WHRN: variants seen among roughly 807,000 people sequenced by gnomAD.
WHRN encodes whirlin.
Under a neutral mutation model 68.3 loss-of-function variants are expected in WHRN, and 41 were observed. The ratio of observed to expected loss-of-function variants is 0.60; its 90% confidence interval spans 0.47 to 0.78. The LOEUF is 0.78. Ranked by LOEUF, WHRN falls within the 30% of genes least tolerant of loss-of-function variation. The pLI is 0.00. For missense variants in WHRN, 1,243 were observed against 1,244.7 expected, an observed-to-expected ratio of 1.00 and a Z score of 0.02; for synonymous variants, 560 against 561.3, an observed-to-expected ratio of 1.00 and a Z score of 0.03.
At chr9:114,468,837 C>T (rs1187715989) in intron 2 of WHRN, among the ~76,000 whole-genome samples, 1 of 152,192 alleles carries the variant, frequency 6.6e-6, no homozygotes, top group African/African-American at 2.4e-5. Flanking sequence ...CAGTGCTGTG[C>T]CAGCTCCAAG....
chr9:114,447,524 T>C (rs1356613177), intron 3 of WHRN, among the ~76,000 whole-genome samples: 1 of 152,230 alleles, frequency 6.6e-6, no homozygotes, highest in East Asian at 1.9e-4. Context: ...TTAACAGGTC[T>C]GACTTTATTA....
In WHRN at chr9:114,406,803, T is replaced by C. The variant is rs1213891056; in HGVS notation, c.1788A>G (p.Leu596=). ...CTCTCCCCAGCTTCCTTGGCTGGCC[T>C]AGTGGGAGGTCGTTGCCTTGGGCCA... ...PPLAQGNDLP[L]GQPRKLGRED... The change falls in exon 9 of 12, where the codon CTA becomes CTG. Residue 596 remains leucine, a synonymous_variant. Transcript: ENST00000362057. The C allele has an allele frequency of 5.6e-6, 9 of 1,612,974 alleles. No individual in the cohort carries two copies. The highest frequency in any genetic ancestry group is 7.6e-6 in the Non-Finnish European group (9 of 1,179,498).
chr9:114,470,140 G>A (rs1467817172), intron 2 of WHRN, among the ~76,000 whole-genome samples: 2 of 152,146 alleles, frequency 1.3e-5, no homozygotes, highest in Non-Finnish European at 2.9e-5. Flanking sequence ...AGGAGGAGGT[G>A]GATACCTTCA....
chr9:114,427,944 G>A (rs1837030670), intron 3 of WHRN, among the ~76,000 whole-genome samples: 1 of 152,188 alleles, frequency 6.6e-6, no homozygotes, highest in Non-Finnish European at 1.5e-5. Context: ...ACGATCAAGG[G>A]TGAGCTCAGC....
intron 3 of WHRN, among the ~76,000 whole-genome samples, chr9:114,433,369 G>A (rs1471393999): frequency 7.2e-5 from 11 of 152,156 alleles, no homozygotes; most frequent in Non-Finnish European, 1.0e-4. Context: ...CAGGCCGCGC[G>A]TGCACCTGTA....
Position 114,403,931 on chromosome 9 carries a change from G to A in WHRN, c.2383C>T (p.Arg795Trp), listed in dbSNP as rs545286422. 1.4e-5 allele frequency: 22 copies of A among 1,611,062 alleles called. No individual in the cohort carries two copies. Among genetic ancestry groups the A allele is most frequent in the East Asian group, 6.7e-5 (3 of 44,858 alleles). ...TKSRSSKELP[R>W]NERPTDGANK... ...GCCCCATCTGTGGGCCTCTCGTTCC[G>A]AGGCAGCTCCTTGCTACTCCTGCTC... The change falls in exon 10 of 12, where the codon CGG (arginine) becomes TGG (tryptophan). Residue 795 changes from arginine (R) to tryptophan (W), a missense_variant. Physicochemically the swap from Arg to Trp is moderately radical, Grantham distance 101. Transcript: ENST00000362057.
chr9:114,417,132 C>T (rs575986479), intron 7 of WHRN, among the ~76,000 whole-genome samples: 1 of 152,314 alleles, frequency 6.6e-6, no homozygotes, highest in Admixed American at 6.5e-5. Context: ...CTCTGTTAGA[C>T]AAATGGAAAA....
intron 6 of WHRN, among the ~76,000 whole-genome samples, chr9:114,423,826 C>A (rs1253750745): frequency 6.6e-6 from 1 of 152,218 alleles, no homozygotes; most frequent in Non-Finnish European, 1.5e-5. Context: ...ACCCAGAATA[C>A]CCTTTCCAAT....
At position 114,504,568 on chromosome 9, in the gene WHRN, C is replaced by T. The variant is rs148785227; in HGVS notation, c.234G>A (p.Leu78=). 254 of 1,611,536 alleles carry T rather than the reference C, an allele frequency of 1.6e-4. 2 individuals are homozygous for T. In the African/African-American group the frequency reaches 3.2e-3, roughly 20 times the overall value. The change falls in exon 1 of 12, where the codon CTG becomes CTA. Residue 78 remains leucine, a synonymous_variant. Transcript: ENST00000362057. ...TGACCGGACTGTCCAGCAGCACGCG[C>T]AGGGTGCGCACCAGGTCGAAGACGT... ...RRNVFDLVRT[L]RVLLDSPVKR...
rs1164575803 is a variant in WHRN at position 114,405,056 on chromosome 9, TTCTC to T, written c.2237-983_2237-980del. Among the ~76,000 whole-genome samples, 382 of 126,918 alleles carry T rather than the reference TTCTC, an allele frequency of 3.0e-3. 7 individuals carry two copies. The highest frequency in any genetic ancestry group is 0.01 in the African/African-American group (348 of 33,572). The allele number at this position is 126,918 out of a possible 152,430, so 83.3% of individuals were successfully genotyped here. ...TCTTGGTAAGCTAGAAATTACTACT[TTCTC>T]TCTCTCTCTCTTTTTTTTTTTTTTT... On this transcript the variant is annotated intron_variant, in intron 9 of 11. Coordinates refer to ENST00000362057, the MANE Select transcript of WHRN (RefSeq NM_015404.4).
intron 8 of WHRN, among the ~76,000 whole-genome samples, chr9:114,407,540 A>G (rs1338770838): frequency 6.6e-6 from 1 of 152,196 alleles, no homozygotes; most frequent in African/African-American, 2.4e-5. Flanking sequence ...AACACCGGAC[A>G]CCTGCACAGC....
intron 3 of WHRN, among the ~76,000 whole-genome samples, chr9:114,458,448 T>A (rs753786134): frequency 1.3e-5 from 2 of 152,250 alleles, no homozygotes; most frequent in African/African-American, 2.4e-5. Flanking sequence ...CTATTGTGAT[T>A]CAAAATCTAT....
intron 11 of WHRN, 27 bp downstream of exon 11, chr9:114,403,190 T>G (rs769814876): frequency 6.2e-7 from 1 of 1,613,526 alleles, no homozygotes; most frequent in African/African-American, 1.3e-5. Context: ...TAGGGAGAGA[T>G]GGCAAGTGGG....
intron 1 of WHRN, among the ~76,000 whole-genome samples, chr9:114,492,372 T>G (rs1188179468): frequency 6.6e-6 from 1 of 152,190 alleles, no homozygotes; most frequent in African/African-American, 2.4e-5. Context: ...AAAAACAAAC[T>G]GTCTAACAAG....
At chr9:114,415,181 G>A (rs1835724349) in intron 7 of WHRN, among the ~76,000 whole-genome samples, 1 of 151,880 alleles carries the variant, frequency 6.6e-6, no homozygotes, top group Admixed American at 6.6e-5. Context: ...TGCGCCTGTG[G>A]CCCCAGTTAC....
intron 3 of WHRN, among the ~76,000 whole-genome samples, chr9:114,438,546 G>A (rs868432541): frequency 7.4e-5 from 11 of 148,572 alleles, no homozygotes; most frequent in African/African-American, 2.2e-4. Flanking sequence ...TCTGCCTCCC[G>A]TGTTCACACC....
intron 3 of WHRN, among the ~76,000 whole-genome samples, chr9:114,458,042 T>G (rs1401892143): frequency 6.6e-6 from 1 of 152,208 alleles, no homozygotes; most frequent in Non-Finnish European, 1.5e-5. Flanking sequence ...AGTGGCGGAT[T>G]CTGGCTGTCA....
intron 3 of WHRN, among the ~76,000 whole-genome samples, chr9:114,456,961 T>A (rs578205044): frequency 6.6e-6 from 1 of 152,128 alleles, no homozygotes; most frequent in Non-Finnish European, 1.5e-5. Flanking sequence ...AGGGGAAAGA[T>A]AGAATAAACC....
At chr9:114,422,164 ACCGTATCTACCTC>A (rs1836348419) in intron 7 of WHRN, among the ~76,000 whole-genome samples, 1 of 152,042 alleles carries the variant, frequency 6.6e-6, no homozygotes, top group Admixed American at 6.6e-5. Context: ...GACAGCTAAT[ACCGTATCTACCTC>A]CAGTCTGAGA....
Sources: gnomAD v4.1 joint callset for allele counts (sites outside exome capture counted in the v4.1 genomes callset) on GRCh38, gnomAD v4.1.1 for gene constraint, MANE v1.5 for transcripts, NCBI Gene and HGNC (gene_info 2026-07-23, HGNC 2026-07-21) for gene names.